NFKB1: variants seen among roughly 807,000 people sequenced by gnomAD.
NFKB1 encodes nuclear factor kappa B subunit 1, also known as nuclear factor NF-kappa-B p105 subunit.
A neutral mutation model predicts 105.1 loss-of-function variants in NFKB1; 9 were observed. The observed-to-expected ratio is 0.09, with a 90% CI of 0.05 to 0.15. NFKB1 has a LOEUF of 0.15. NFKB1 is among the 10% of genes least tolerant of loss of function. NFKB1 has a pLI of 1.00. For missense variants in NFKB1, 830 were observed against 1,203.7 expected, an observed-to-expected ratio of 0.69 and a Z score of 4.59; for synonymous variants, 440 against 442.2, an observed-to-expected ratio of 1.00 and a Z score of 0.06.
At chr4:102,598,133 T>G (rs1181006864) in intron 15 of NFKB1, among the ~76,000 whole-genome samples, 2 of 152,238 alleles carry the variant, frequency 1.3e-5, no homozygotes, top group African/African-American at 4.8e-5. Context: ...GTTTCTTCTC[T>G]GCTCCCTCTT....
At chr4:102,551,674 G>A (rs1425312094) in intron 5 of NFKB1, among the ~76,000 whole-genome samples, 1 of 152,126 alleles carries the variant, frequency 6.6e-6, no homozygotes, top group Non-Finnish European at 1.5e-5. Context: ...TCCCATGCTG[G>A]TGATGTCAAC....
At chr4:102,613,875 A>G (rs1024195994) in intron 23 of NFKB1, among the ~76,000 whole-genome samples, 1 of 152,174 alleles carries the variant, frequency 6.6e-6, no homozygotes, top group Admixed American at 6.5e-5. Context: ...CACATGAGAG[A>G]AATAATATTT....
At chr4:102,536,154 A>T (rs1308286976) in intron 4 of NFKB1, among the ~76,000 whole-genome samples, 2 of 151,904 alleles carry the variant, frequency 1.3e-5, no homozygotes, top group Non-Finnish European at 2.9e-5. Flanking sequence ...TGTTTTTTTC[A>T]TGGTTTTAGA....
chr4:102,606,441 T>C, intron 16 of NFKB1, 55 bp from the exon 17 acceptor site: 1 of 1,536,338 alleles, frequency 6.5e-7, no homozygotes, highest in Non-Finnish European at 9.0e-7. Flanking sequence ...AAGCTGTGAG[T>C]TGTAAGTAAG....
At chr4:102,531,623 C>A (rs1221162729) in intron 3 of NFKB1, among the ~76,000 whole-genome samples, 1 of 152,148 alleles carries the variant, frequency 6.6e-6, no homozygotes, top group Non-Finnish European at 1.5e-5. Flanking sequence ...GTGGAATGTC[C>A]TTTTCATGGC....
At chr4:102,520,205 A>G (rs1740474063) in intron 1 of NFKB1, among the ~76,000 whole-genome samples, 1 of 152,208 alleles carries the variant, frequency 6.6e-6, no homozygotes. Context: ...ATAGCCAGCC[A>G]CCTTAGAAAG....
At chr4:102,540,255 A>G (rs1029897785) in intron 5 of NFKB1, among the ~76,000 whole-genome samples, 1 of 152,202 alleles carries the variant, frequency 6.6e-6, no homozygotes, top group Non-Finnish European at 1.5e-5. Flanking sequence ...AACACATGGC[A>G]TTAACTTTCT....
chr4:102,544,710 G>A (rs192633447), intron 5 of NFKB1, among the ~76,000 whole-genome samples: 1 of 152,104 alleles, frequency 6.6e-6, no homozygotes, highest in South Asian at 2.1e-4. Context: ...CTCTAAATCC[G>A]CTGTATATAT....
chr4:102,593,622 TTTC>T (rs1389163629), intron 12 of NFKB1, 54 bp downstream of exon 12: 37 of 1,537,408 alleles, frequency 2.4e-5, no homozygotes, highest in Non-Finnish European at 3.2e-5. Context: ...AGGGTAGAAT[TTTC>T]TTTTCTTTGG....
chr4:102,587,298 A>G (rs1014460771), intron 11 of NFKB1, among the ~76,000 whole-genome samples: 6 of 152,200 alleles, frequency 3.9e-5, no homozygotes, highest in Non-Finnish European at 8.8e-5. Context: ...GAAGAAAAAT[A>G]TGGATAATTT....
intron 5 of NFKB1, among the ~76,000 whole-genome samples, chr4:102,555,919 T>C (rs1722957793): frequency 6.6e-6 from 1 of 152,114 alleles, no homozygotes; most frequent in South Asian, 2.1e-4. Context: ...CTAACTGATA[T>C]TGGAAGGGAA....
chr4:102,609,015 TG>T (rs1273674740), intron 19 of NFKB1, among the ~76,000 whole-genome samples: 3 of 151,728 alleles, frequency 2.0e-5, no homozygotes, highest in Non-Finnish European at 2.9e-5. Flanking sequence ...TAGCCAGGCA[TG>T]GTGGCATGCG....
intron 17 of NFKB1, 59 bp downstream of exon 17, chr4:102,606,756 G>A: frequency 6.7e-7 from 1 of 1,494,020 alleles, no homozygotes; most frequent in Non-Finnish European, 9.2e-7. Flanking sequence ...TATCTACTAG[G>A]TATTTGATAA....
chr4:102,602,441 G>A (rs1200336010), intron 16 of NFKB1, among the ~76,000 whole-genome samples: 6 of 151,760 alleles, frequency 4.0e-5, no homozygotes, highest in African/African-American at 1.4e-4. Context: ...TCGGGAGGCT[G>A]AGGCAGGAGA....
intron 5 of NFKB1, among the ~76,000 whole-genome samples, chr4:102,564,001 G>T (rs1723648160): frequency 6.6e-6 from 1 of 151,482 alleles, no homozygotes; most frequent in South Asian, 2.1e-4. Context: ...TGTATTTTTA[G>T]TAAAGACAGG....
At chr4:102,524,525 G>C (rs1010758184) in intron 1 of NFKB1, among the ~76,000 whole-genome samples, 5 of 152,176 alleles carry the variant, frequency 3.3e-5, no homozygotes, top group Non-Finnish European at 5.9e-5. Context: ...TCCACAGACT[G>C]GGGGCTGGGG....
chr4:102,608,591 C>A (rs1286042812), intron 19 of NFKB1, among the ~76,000 whole-genome samples: 1 of 151,784 alleles, frequency 6.6e-6, no homozygotes, highest in Non-Finnish European at 1.5e-5. Flanking sequence ...ATATTTAGAA[C>A]CTCAAAATAT....
chr4:102,609,237 G>GAAAAGC (rs1339368963), intron 19 of NFKB1, among the ~76,000 whole-genome samples: 1 of 151,042 alleles, frequency 6.6e-6, no homozygotes, highest in East Asian at 1.9e-4. Context: ...CCCATGAAAG[G>GAAAAGC]AAAAGCAAGT....
At chr4:102,503,990 A>G (rs989216323) in intron 1 of NFKB1, among the ~76,000 whole-genome samples, 13 of 152,196 alleles carry the variant, frequency 8.5e-5, no homozygotes, top group South Asian at 2.1e-4. Flanking sequence ...ATGTTGGACT[A>G]TCATTCCATC....
Sources: allele counts gnomAD v4.1 joint callset (sites outside exome capture counted in the v4.1 genomes callset), GRCh38; gene constraint gnomAD v4.1.1; transcripts MANE v1.5; gene names NCBI Gene and HGNC (gene_info 2026-07-23, HGNC 2026-07-21).